Variants in MCM5 observed in about 807,000 individuals in gnomAD.
The protein encoded by MCM5 is DNA replication licensing factor MCM5.
In MCM5, 46 loss-of-function variants were observed where a neutral mutation model predicts 79.9. The ratio of observed to expected loss-of-function variants is 0.58; its 90% CI spans 0.45 to 0.74. MCM5 has a LOEUF of 0.74. Ranked by LOEUF, MCM5 falls within the 30% of genes least tolerant of loss-of-function variation. The pLI, the probability that MCM5 is intolerant of heterozygous loss-of-function variation, is 0.00. For synonymous variants in MCM5, 404 were observed against 390.5 expected (o/e 1.03, Z -0.41); for missense variants, 883 against 1,017.0 (o/e 0.87, Z 1.79).
Position 35,421,462 on chromosome 22 carries a change from T to G in MCM5, c.1975+2T>G. 1.2e-6 allele frequency: 2 copies of G among 1,614,080 alleles called. No individual in the cohort carries two copies. The highest frequency in any genetic ancestry group is 1.7e-6 in the Non-Finnish European group (2 of 1,180,022). The stretch of plus-strand genomic sequence containing the variant: ...CTGCCTTGTCCGGTACCCTGTCAGG[T>G]GAGCAGATGCAGGGGCCATGGTCTC... On this transcript the variant is annotated splice_donor_variant, in intron 15 of 16. Transcript: ENST00000216122. LOFTEE classifies it high-confidence loss of function.
intron 16 of MCM5, 130 bp from the exon 17 acceptor site, chr22:35,424,024 C>T: frequency 1.6e-6 from 1 of 614,788 alleles, no homozygotes; most frequent in Non-Finnish European, 2.9e-6. Flanking sequence ...ACAGTGGGCA[C>T]TCAGGAAGTG....
chr22:35,443,376 A>C, the MCM5 span, among the ~76,000 whole-genome samples: 1 of 152,046 alleles, frequency 6.6e-6, no homozygotes, highest in Admixed American at 6.6e-5. Context: ...TTTAGTAGAG[A>C]CAGCATTTTG....
At chr22:35,433,991 G>T in the MCM5 span, among the ~76,000 whole-genome samples, 2 of 152,240 alleles carry the variant, frequency 1.3e-5, no homozygotes, top group Non-Finnish European at 2.9e-5. Flanking sequence ...TGATGGCATG[G>T]AAATCCTGCC....
At chr22:35,428,615 T>C (rs1932792550), downstream of MCM5, among the ~76,000 whole-genome samples, 1 of 152,062 alleles carries the variant, frequency 6.6e-6, no homozygotes, top group African/African-American at 2.4e-5. Flanking sequence ...CCTACACACA[T>C]TGGCTTGCTC....
chr22:35,429,683 G>A (rs1397969779), downstream of MCM5, among the ~76,000 whole-genome samples: 4 of 151,992 alleles, frequency 2.6e-5, no homozygotes, highest in Non-Finnish European at 4.4e-5. Flanking sequence ...CTACAGGCGC[G>A]CGCCACTGTA....
downstream of MCM5, among the ~76,000 whole-genome samples, chr22:35,426,703 T>C (rs528004991): frequency 6.6e-6 from 1 of 152,316 alleles, no homozygotes; most frequent in East Asian, 1.9e-4. Flanking sequence ...CAGCTGGGCC[T>C]GGCCCCGGGG....
chr22:35,448,858 G>T, the MCM5 span, among the ~76,000 whole-genome samples: 1 of 152,122 alleles, frequency 6.6e-6, no homozygotes, highest in South Asian at 2.1e-4. Flanking sequence ...CTCATCCATG[G>T]ACCACTGGGC....
At chr22:35,417,334 T>G (rs1037995603) in intron 12 of MCM5, among the ~76,000 whole-genome samples, 2 of 152,210 alleles carry the variant, frequency 1.3e-5, no homozygotes, top group African/African-American at 4.8e-5. Flanking sequence ...TCCTGTTAGC[T>G]TGTAGCTTAA....
the MCM5 span, among the ~76,000 whole-genome samples, chr22:35,451,341 G>A: frequency 6.6e-6 from 1 of 152,276 alleles, no homozygotes; most frequent in Non-Finnish European, 1.5e-5. Context: ...AAACTTTGCG[G>A]GTCTCAGTGT....
chr22:35,418,493 C>A (rs2145798544), intron 13 of MCM5, among the ~76,000 whole-genome samples: 1 of 152,156 alleles, frequency 6.6e-6, no homozygotes, highest in East Asian at 1.9e-4. Context: ...AACCCCATGT[C>A]TACTAAAAAT....
rs115600298 is a variant in MCM5, at chr22:35,408,312, G to A, written c.597-96G>A. On this transcript the variant is annotated intron_variant, in intron 5 of 16. Transcript: ENST00000216122. ...ATTCTGGAGACCCCCATAAATTGCCGCTGGCAACGTCTCCTTGCTGGCTCC... is the reference window on the plus strand; with the variant it reads ...ATTCTGGAGACCCCCATAAATTGCCACTGGCAACGTCTCCTTGCTGGCTCC... 9.0e-4 allele frequency: 1,092 copies of A among 1,212,774 alleles called. 7 individuals carry two copies. The African/African-American group carries it at 0.015, about 17-fold the overall frequency. The allele number at this position is 1,212,774 out of a possible 1,614,324, so 75.1% of individuals were successfully genotyped here. A position where few individuals can be genotyped will look rare whatever the true frequency, so the allele number is the denominator to read the frequency against.
chr22:35,446,486 G>T, the MCM5 span, among the ~76,000 whole-genome samples: 1 of 152,168 alleles, frequency 6.6e-6, no homozygotes, highest in African/African-American at 2.4e-5. Context: ...ACACAGAGCT[G>T]CTGCGCACCC....
the MCM5 span, among the ~76,000 whole-genome samples, chr22:35,449,879 T>C: frequency 1.3e-5 from 2 of 152,222 alleles, no homozygotes; most frequent in Non-Finnish European, 2.9e-5. Context: ...CCTCTTGGGC[T>C]GAAGTGGACC....
chr22:35,452,979 G>A, the MCM5 span, among the ~76,000 whole-genome samples: 1 of 152,140 alleles, frequency 6.6e-6, no homozygotes, highest in African/African-American at 2.4e-5. Context: ...GGAAACTGAG[G>A]CTGGGAGGCA....
rs1157272411 is a variant in MCM5, at chr22:35,403,501, C to T, written c.382C>T (p.Leu128Phe). The change falls in exon 4 of 17, where the codon CTC (leucine) becomes TTC (phenylalanine). Residue 128 changes from leucine to phenylalanine, a missense_variant. Physicochemically the swap from Leu to Phe is conservative, Grantham distance 22. Transcript: ENST00000216122. Reference protein sequence around the residue: ...EEVLQDIQVMLKSDASPSSIR... With the variant: ...EEVLQDIQVMFKSDASPSSIR... ...GGTGCTCCAGGACATCCAGGTCATG[C>T]TCAAGTCGGACGCCAGCCCTTCCAG... 1 of 1,614,174 alleles carries T rather than the reference C, an allele frequency of 6.2e-7. No individual in the cohort carries two copies. Among genetic ancestry groups the T allele is most frequent in the Non-Finnish European group, 8.5e-7 (1 of 1,180,042 alleles).
chr22:35,410,693 G>A, intron 6 of MCM5, 51 bp from the exon 7 acceptor site: 2 of 1,549,914 alleles, frequency 1.3e-6, no homozygotes, highest in Non-Finnish European at 1.8e-6. Context: ...GAGACTTGCT[G>A]TCCAAGTCAG....
the MCM5 span, among the ~76,000 whole-genome samples, chr22:35,441,129 G>A: frequency 3.3e-4 from 51 of 152,308 alleles, no homozygotes; most frequent in African/African-American, 1.2e-3. Context: ...GGTGGGCCCT[G>A]CGCAGGAATG....
Position 35,423,301 on chromosome 22 carries a change from A to G in MCM5, c.2063A>G (p.Gln688Arg). The G allele has an allele frequency of 6.2e-7, 1 of 1,609,026 alleles. No homozygotes were observed. Among genetic ancestry groups the G allele is most frequent in the South Asian group, 1.1e-5 (1 of 90,374 alleles). The change falls in exon 16 of 17, where the codon CAG (glutamine) becomes CGG (arginine). Residue 688 changes from glutamine to arginine, a missense_variant. Physicochemically the swap from Gln to Arg is conservative, Grantham distance 43. Around this residue, in one of 3 missense-constraint regions of MCM5, gnomAD observed 426 missense variants for 482.3 expected, o/e 0.88. Transcript: ENST00000216122. ...AAGCGCCGCTTTGCCATTGGCTCCC[A>G]GGTGTCTGAGCACAGCATCATCAAG... ...QLKRRFAIGS[Q>R]VSEHSIIKDF...
At chr22:35,406,826 C>T (rs2145786630) in intron 5 of MCM5, 101 bp downstream of exon 5, 1 of 1,278,444 alleles carries the variant, frequency 7.8e-7, no homozygotes, top group Non-Finnish European at 1.1e-6. Flanking sequence ...TTCTAGAGAT[C>T]CACTGGGATG....
Sources: allele counts gnomAD v4.1 joint callset (sites outside exome capture counted in the v4.1 genomes callset), GRCh38; gene constraint gnomAD v4.1.1; regional missense constraint gnomAD v4.1.1; transcripts MANE v1.5; gene names NCBI Gene and HGNC (gene_info 2026-07-23, HGNC 2026-07-21).